Variants in GRID1 observed in about 807,000 individuals in gnomAD.
The protein encoded by GRID1 is glutamate ionotropic receptor delta type subunit 1, also known as glutamate receptor ionotropic, delta-1.
In GRID1, 28 loss-of-function variants were observed where a neutral mutation model predicts 98.0. That is an observed-to-expected ratio of 0.29 (90% CI 0.21 to 0.39). GRID1 has a LOEUF of 0.39. GRID1 is among the 10% of genes least tolerant of loss of function. The pLI is 1.00. For missense variants in GRID1, 1,111 were observed against 1,340.5 expected (o/e 0.83, Z 2.67); for synonymous variants, 553 against 538.5 (o/e 1.03, Z -0.37).
At chr10:85,999,432 T>C (rs144244688) in intron 4 of GRID1, among the ~76,000 whole-genome samples, 51 of 152,142 alleles carry the variant, frequency 3.4e-4, no homozygotes, top group African/African-American at 9.2e-4. Context: ...CTTCCAGAAA[T>C]AGAAGAGAGA....
rs1847479201 is a variant in GRID1, at chr10:86,289,341, AT to A, written c.235+74599del. ...GGTCATCCCTCATGTCATTATCCTAATTGTGAATCCCTGAGAAACAGAACAT... is the reference window on the plus strand; with the variant it reads ...GGTCATCCCTCATGTCATTATCCTAATGTGAATCCCTGAGAAACAGAACAT... On this transcript the variant is annotated intron_variant, in intron 2 of 15. Coordinates refer to ENST00000327946, the MANE Select transcript of GRID1 (RefSeq NM_017551.3). Among the ~76,000 whole-genome samples the A allele has an allele frequency of 2.0e-5, 3 of 152,104 alleles. No individual in the cohort carries two copies. In the South Asian group the frequency reaches 6.2e-4, roughly 32 times the overall value.
chr10:86,193,507 CA>C (rs928404738), intron 3 of GRID1, among the ~76,000 whole-genome samples: 10 of 151,526 alleles, frequency 6.6e-5, no homozygotes, highest in Non-Finnish European at 1.2e-4. Flanking sequence ...GCCAATCATC[CA>C]GGGGCTTGTG....
intron 8 of GRID1, among the ~76,000 whole-genome samples, chr10:85,788,278 G>T (rs942686628): frequency 3.3e-5 from 5 of 152,086 alleles, no homozygotes; most frequent in African/African-American, 1.2e-4. Flanking sequence ...AGGCAGGGAG[G>T]CGCAGTGAGC....
At chr10:85,919,952 C>T (rs1304035682) in intron 4 of GRID1, among the ~76,000 whole-genome samples, 1 of 152,120 alleles carries the variant, frequency 6.6e-6, no homozygotes, top group Non-Finnish European at 1.5e-5. Context: ...AGCCAACACC[C>T]CCAATTCAGG....
At chr10:86,144,568 ACT>A (rs1290618416) in intron 3 of GRID1, among the ~76,000 whole-genome samples, 2 of 151,736 alleles carry the variant, frequency 1.3e-5, no homozygotes, top group African/African-American at 2.4e-5. Flanking sequence ...AGCCTCCATG[ACT>A]CTGCTCTAAA....
chr10:86,044,291 G>A (rs1042674989), intron 4 of GRID1, among the ~76,000 whole-genome samples: 3 of 152,162 alleles, frequency 2.0e-5, no homozygotes, highest in African/African-American at 4.8e-5. Flanking sequence ...GACCTGCTTC[G>A]TTTCCCTACT....
intron 3 of GRID1, among the ~76,000 whole-genome samples, chr10:86,174,030 T>G (rs1017850791): frequency 6.6e-6 from 1 of 152,172 alleles, no homozygotes; most frequent in African/African-American, 2.4e-5. Flanking sequence ...AGTGCCACAA[T>G]AGACATACGT....
At chr10:85,662,085 G>A (rs573158706) in intron 12 of GRID1, among the ~76,000 whole-genome samples, 34 of 152,272 alleles carry the variant, frequency 2.2e-4, no homozygotes, top group South Asian at 4.1e-4. Flanking sequence ...ATTCAGAGCC[G>A]GGCACATCAG....
At chr10:85,868,596 T>C (rs1843245449) in intron 6 of GRID1, among the ~76,000 whole-genome samples, 1 of 152,134 alleles carries the variant, frequency 6.6e-6, no homozygotes, top group Admixed American at 6.5e-5. Context: ...GCTGGGATAG[T>C]CCCATCTTGC....
rs1845866283 is a variant in GRID1 at position 86,195,963 on chromosome 10, C to CA, written c.520+10400dup. Among the ~76,000 whole-genome samples the CA allele has an allele frequency of 6.6e-6, 1 of 152,114 alleles. No individual in the cohort carries two copies. The highest frequency in any genetic ancestry group is 2.4e-5 in the African/African-American group (1 of 41,440). On this transcript the variant is annotated intron_variant, in intron 3 of 15. Transcript: ENST00000327946. This position sits in a 1 kb window ranked among gnomAD's most constrained non-coding sequence, Gnocchi z 4.4. ...CTTCCGTTCTTGAGCATCCTTACTACACAGGAGAAAGTTCACACAGAGGAC... is the reference window on the plus strand; with the variant it reads ...CTTCCGTTCTTGAGCATCCTTACTACAACAGGAGAAAGTTCACACAGAGGAC...
At chr10:85,671,534 G>T (rs147356203) in intron 12 of GRID1, among the ~76,000 whole-genome samples, 2,399 of 151,982 alleles carry the variant, frequency 0.016, 63 homozygotes, top group African/African-American at 0.054. Flanking sequence ...CCACTGACCA[G>T]CCGTTCCCTC....
chr10:85,870,631 G>T (rs1348337758), intron 5 of GRID1, among the ~76,000 whole-genome samples: 1 of 152,194 alleles, frequency 6.6e-6, no homozygotes, highest in Non-Finnish European at 1.5e-5. Flanking sequence ...TTGAGGAGTT[G>T]GTGGTGCTGT....
rs1242141325 is a variant in GRID1 at position 86,336,970 on chromosome 10, G to A, written c.235+26971C>T. Among the ~76,000 whole-genome samples, 9 of 151,118 alleles carry A rather than the reference G, an allele frequency of 6.0e-5. No individual in the cohort carries two copies. The East Asian group carries it at 1.6e-3, about 26-fold the overall frequency. ...CGCCATTCTCCTGCCTCAGCCTCCC[G>A]AGTAGCTGGGACTACAGGCGCCCGC... On this transcript the variant is annotated intron_variant, in intron 2 of 15. Transcript: ENST00000327946.
intron 12 of GRID1, among the ~76,000 whole-genome samples, chr10:85,667,643 C>T (rs998556397): frequency 1.3e-5 from 2 of 152,174 alleles, no homozygotes; most frequent in Non-Finnish European, 2.9e-5. Flanking sequence ...TAACCGTGCT[C>T]CTGCACTTTA....
At chr10:85,659,692 G>A (rs1840943337) in intron 12 of GRID1, among the ~76,000 whole-genome samples, 2 of 152,182 alleles carry the variant, frequency 1.3e-5, no homozygotes, top group Non-Finnish European at 2.9e-5. Context: ...AGACTCTGAT[G>A]GGAAGTTTAG....
At chr10:86,281,070 A>C (rs1373261308) in intron 2 of GRID1, among the ~76,000 whole-genome samples, 1 of 152,160 alleles carries the variant, frequency 6.6e-6, no homozygotes, top group Non-Finnish European at 1.5e-5. Context: ...GTACTGACTG[A>C]GAATGCAATA....
At position 85,865,936 on chromosome 10, in the gene GRID1, TATATATAC is replaced by T. The variant is rs1171664066; in HGVS notation, c.951+3066_951+3073del. On this transcript the variant is annotated intron_variant, in intron 6 of 15. Transcript: ENST00000327946. ...ACATATATATATATATATATATATATATATATACACATATATATGGAGAGAGAGAGAGA... is the reference window on the plus strand; with the variant it reads ...ACATATATATATATATATATATATATACATATATATGGAGAGAGAGAGAGA... Among the ~76,000 whole-genome samples the T allele has an allele frequency of 3.6e-5, 4 of 112,672 alleles. 1 individual carries two copies. The highest frequency in any genetic ancestry group is 1.4e-4 in the African/African-American group (4 of 27,604). 73.9% of individuals were successfully genotyped at this position (112,672 alleles called of 152,430 possible). A position where few individuals can be genotyped will look rare whatever the true frequency, so the allele number is the denominator to read the frequency against.
intron 5 of GRID1, among the ~76,000 whole-genome samples, chr10:85,905,119 T>G (rs1467021371): frequency 6.7e-6 from 1 of 150,338 alleles, no homozygotes; most frequent in South Asian, 2.1e-4. Flanking sequence ...AGAAGAAACA[T>G]TAAAAGAAAC....
At chr10:85,840,834 A>G (rs564088621) in intron 8 of GRID1, among the ~76,000 whole-genome samples, 2 of 152,182 alleles carry the variant, frequency 1.3e-5, no homozygotes, top group Non-Finnish European at 2.9e-5. Context: ...CACAGAAATC[A>G]GAGATGACAT....
Sources: allele counts gnomAD v4.1 joint callset (sites outside exome capture counted in the v4.1 genomes callset), GRCh38; gene constraint gnomAD v4.1.1; non-coding constraint Gnocchi (gnomAD v3.1); transcripts MANE v1.5; gene names NCBI Gene and HGNC (gene_info 2026-07-23, HGNC 2026-07-21).